Variants in RBPJ observed in about 807,000 individuals in gnomAD.
RBPJ encodes recombination signal binding protein for immunoglobulin kappa J region.
RBPJ carries 9 observed loss-of-function variants against 67.8 expected under a neutral mutation model. The observed-to-expected ratio is 0.13, with a 90% CI of 0.08 to 0.23. The LOEUF (loss-of-function observed/expected upper bound fraction) is 0.23, where lower values mean the gene tolerates loss of function less well. RBPJ is among the 10% of genes least tolerant of loss of function. The pLI, the probability that RBPJ is intolerant of heterozygous loss-of-function variation, is 1.00. For missense variants in RBPJ, 305 were observed against 595.6 expected, an observed-to-expected ratio of 0.51 and a Z score of 5.08; for synonymous variants, 198 against 203.3, an observed-to-expected ratio of 0.97 and a Z score of 0.22.
chr4:26,255,710 G>A (rs1427581654), intron 1 of RBPJ, among the ~76,000 whole-genome samples: 1 of 150,398 alleles, frequency 6.6e-6, no homozygotes, highest in Non-Finnish European at 1.5e-5. Context: ...GCTGAGGCAG[G>A]ACAATGGCGT....
chr4:26,125,155 T>C, the RBPJ span, among the ~76,000 whole-genome samples: 2 of 152,206 alleles, frequency 1.3e-5, no homozygotes, highest in Non-Finnish European at 2.9e-5. Flanking sequence ...TCACATCCTA[T>C]TGGCCAGAAC....
upstream of RBPJ, chr4:26,320,703 C>A (rs1722923006): frequency 6.5e-7 from 1 of 1,536,016 alleles, no homozygotes. Flanking sequence ...TCCTCAGTCT[C>A]CACGTACGTC....
At chr4:26,400,069 A>C (rs1002686363) in intron 2 of RBPJ, among the ~76,000 whole-genome samples, 2 of 152,234 alleles carry the variant, frequency 1.3e-5, no homozygotes, top group South Asian at 4.1e-4. Context: ...GTATTCAAAA[A>C]AACAGTTCAA....
chr4:26,322,144 C>T, intron 1 of RBPJ: 1 of 152,646 alleles, frequency 6.6e-6, no homozygotes, highest in Non-Finnish European at 1.5e-5. Flanking sequence ...AGGCCAAGGG[C>T]AGCTGTCTGT....
At chr4:26,386,836 A>C (rs934088985) in intron 2 of RBPJ, among the ~76,000 whole-genome samples, 1 of 152,228 alleles carries the variant, frequency 6.6e-6, no homozygotes, top group African/African-American at 2.4e-5. Flanking sequence ...TATACATTTT[A>C]ATTATGAATG....
chr4:26,173,835 G>A (rs1358799625), intron 1 of RBPJ, among the ~76,000 whole-genome samples: 1 of 152,198 alleles, frequency 6.6e-6, no homozygotes, highest in African/African-American at 2.4e-5. Context: ...ATAAAGCAAG[G>A]TCCCTGCCCT....
chr4:26,295,414 T>G (rs1209657292), intron 1 of RBPJ, among the ~76,000 whole-genome samples: 2 of 152,152 alleles, frequency 1.3e-5, no homozygotes, highest in Non-Finnish European at 2.9e-5. Flanking sequence ...GTTGCAGTAG[T>G]AGTAGTAGTG....
At chr4:26,241,300 G>A (rs1225930375) in intron 1 of RBPJ, among the ~76,000 whole-genome samples, 2 of 152,086 alleles carry the variant, frequency 1.3e-5, no homozygotes, top group African/African-American at 4.8e-5. Flanking sequence ...GTTAGTGCTG[G>A]TGAAATCTTT....
chr4:26,413,035 A>G (rs1433956846), intron 3 of RBPJ: 2 of 152,208 alleles, frequency 1.3e-5, no homozygotes, highest in Admixed American at 1.3e-4. Context: ...GATTAGATAA[A>G]TGTGAGAGGA....
chr4:26,242,752 T>C lies in RBPJ; in HGVS notation c.-167+79138T>C, dbSNP rs544258571. Among the ~76,000 whole-genome samples, 4 of 146,000 alleles carry C rather than the reference T, an allele frequency of 2.7e-5. No homozygotes were observed. The East Asian group carries it at 8.0e-4, about 29-fold the overall frequency. ...AGTCCAAGTTTATTTTATTTAAGAG[T>C]CTCCTTGATTGAAGTGGTAAAAATT... is the stretch of plus-strand genomic sequence containing the variant. On this transcript the variant is annotated intron_variant, in intron 1 of 4. Coordinates refer to the RBPJ transcript ENST00000512351.
At chr4:26,223,734 T>A (rs1718991099) in intron 1 of RBPJ, among the ~76,000 whole-genome samples, 2 of 152,164 alleles carry the variant, frequency 1.3e-5, no homozygotes, top group Non-Finnish European at 2.9e-5. Context: ...AGAAGCACAG[T>A]CTTTCTTAGA....
chr4:26,429,747 G>T (rs1482390874), intron 8 of RBPJ, 151 bp from the exon 9 acceptor site: 3 of 646,018 alleles, frequency 4.6e-6, no homozygotes, highest in Non-Finnish European at 5.3e-6. Flanking sequence ...TTTATGTAGG[G>T]ATTGGCAAAG....
chr4:26,242,531 G>A (rs935737776), intron 1 of RBPJ, among the ~76,000 whole-genome samples: 4 of 151,798 alleles, frequency 2.6e-5, no homozygotes, highest in Non-Finnish European at 5.9e-5. Flanking sequence ...ACCCTTTGAG[G>A]TAAGAAGGTT....
At chr4:26,392,751 T>C (rs539900989) in intron 2 of RBPJ, among the ~76,000 whole-genome samples, 36 of 152,316 alleles carry the variant, frequency 2.4e-4, no homozygotes, top group African/African-American at 8.7e-4. Context: ...GGTGTATATA[T>C]ACATGCCAAA....
intron 1 of RBPJ, among the ~76,000 whole-genome samples, chr4:26,254,897 A>C (rs889661666): frequency 1.0e-5 from 1 of 99,758 alleles, no homozygotes; most frequent in South Asian, 3.4e-4. Context: ...ACAAGGTTTC[A>C]GGCTGGTGTC....
At chr4:26,114,455 T>C in the RBPJ span, among the ~76,000 whole-genome samples, 1 of 108,168 alleles carries the variant, frequency 9.2e-6, no homozygotes, top group South Asian at 3.0e-4. Context: ...GAGACTCCTC[T>C]CAAAAAAAAA....
chr4:26,359,563 C>CA, intron 1 of RBPJ: 1 of 152,166 alleles, frequency 6.6e-6, no homozygotes, highest in South Asian at 2.1e-4. Context: ...CCCCTGCTGC[C>CA]GGCGCCGGCA....
chr4:26,415,405 A>T, intron 3 of RBPJ, 70 bp from the exon 4 acceptor site: 1 of 1,275,558 alleles, frequency 7.8e-7, no homozygotes, highest in Non-Finnish European at 1.1e-6. Flanking sequence ...ATGTTCAAGG[A>T]AAGGAAATGC....
intron 1 of RBPJ, among the ~76,000 whole-genome samples, chr4:26,331,815 T>C (rs1724296005): frequency 6.6e-6 from 1 of 152,226 alleles, no homozygotes; most frequent in Non-Finnish European, 1.5e-5. Context: ...TTATGCCACC[T>C]GCAATAAATT....
Sources: allele counts gnomAD v4.1 joint callset (sites outside exome capture counted in the v4.1 genomes callset), GRCh38; gene constraint gnomAD v4.1.1; transcripts MANE v1.5; gene names NCBI Gene and HGNC (gene_info 2026-07-23, HGNC 2026-07-21).